Variants in DCDC1 observed in about 807,000 individuals in gnomAD.
DCDC1 encodes the protein doublecortin domain containing 1.
DCDC1 carries 200 observed loss-of-function variants against 178.3 expected under a neutral mutation model. The observed-to-expected ratio is 1.12, with a 90% confidence interval of 1.00 to 1.26. The LOEUF (loss-of-function observed/expected upper bound fraction) is 1.26, where lower values mean the gene tolerates loss of function less well. Ranked by LOEUF, DCDC1 falls within the 50% of genes most tolerant of loss-of-function variation. The probability of loss-of-function intolerance (pLI) is 0.00; values close to 1 mark genes in which losing one functional copy is unlikely to be tolerated. For missense variants in DCDC1, 1,983 were observed against 1,749.2 expected (o/e 1.13, Z -2.38); for synonymous variants, 690 against 604.8 (o/e 1.14, Z -2.07).
intron 26 of DCDC1, 104 bp downstream of exon 26, chr11:30,916,766 C>A: frequency 4.1e-6 from 5 of 1,215,520 alleles, no homozygotes; most frequent in East Asian, 5.4e-5. Flanking sequence ...TTGATAGAAA[C>A]AGCAGCTAAC....
At chr11:31,328,789 C>T (rs1293287636) in intron 2 of DCDC1, among the ~76,000 whole-genome samples, 7 of 129,928 alleles carry the variant, frequency 5.4e-5, no homozygotes, top group Non-Finnish European at 1.1e-4. Flanking sequence ...CCAGGCTGGG[C>T]GACAGAGTGA....
At chr11:31,047,148 A>G (rs1023854191) in intron 20 of DCDC1, among the ~76,000 whole-genome samples, 8 of 152,126 alleles carry the variant, frequency 5.3e-5, no homozygotes, top group African/African-American at 1.9e-4. Flanking sequence ...CCAAGTTTCT[A>G]TCTGTTGTTC....
In DCDC1 at chr11:31,358,120, G is replaced by A. The variant is rs542402015; in HGVS notation, c.-125+11577C>T. ...TTCATATGGAACCAAAAAAGAGCCC[G>A]CATCGCCAAGTCAATCCTAAGCCAA... On this transcript the variant is annotated intron_variant, in intron 1 of 38. Coordinates refer to ENST00000684477, the MANE Select transcript of DCDC1 (RefSeq NM_001387274.1). Among the ~76,000 whole-genome samples, 573 of 150,126 alleles carry A rather than the reference G, an allele frequency of 3.8e-3. 2 individuals are homozygous for A. The highest frequency in any genetic ancestry group is 0.013 in the African/African-American group (547 of 41,010).
intron 18 of DCDC1, among the ~76,000 whole-genome samples, chr11:31,070,713 C>A (rs1956506630): frequency 6.6e-6 from 1 of 152,184 alleles, no homozygotes; most frequent in Admixed American, 6.6e-5. Context: ...CTGTAACTCT[C>A]TGTTGCTAAA....
intron 9 of DCDC1, among the ~76,000 whole-genome samples, chr11:31,195,680 G>A (rs1970612343): frequency 6.6e-6 from 1 of 151,466 alleles, no homozygotes; most frequent in African/African-American, 2.4e-5. Flanking sequence ...ACTTACCAAC[G>A]TTTCTAATAT....
chr11:30,990,884 G>A (rs1399840546), intron 20 of DCDC1, among the ~76,000 whole-genome samples: 1 of 152,168 alleles, frequency 6.6e-6, no homozygotes, highest in African/African-American at 2.4e-5. Context: ...ACATGGGTGA[G>A]AACTTCCCAT....
intron 38 of DCDC1, among the ~76,000 whole-genome samples, chr11:30,867,838 A>G (rs928487103): frequency 6.6e-6 from 1 of 152,204 alleles, no homozygotes. Flanking sequence ...TCCTAATCAT[A>G]TCACTGAATT....
chr11:31,211,517 G>C (rs1457238502), intron 9 of DCDC1, among the ~76,000 whole-genome samples: 1 of 152,084 alleles, frequency 6.6e-6, no homozygotes, highest in Non-Finnish European at 1.5e-5. Context: ...AATATGAGAT[G>C]AATTAAACAT....
At chr11:31,168,090 C>T (rs1337449964) in intron 9 of DCDC1, among the ~76,000 whole-genome samples, 1 of 152,116 alleles carries the variant, frequency 6.6e-6, no homozygotes, top group East Asian at 1.9e-4. Flanking sequence ...AAGTCAAGTC[C>T]CACCTCCTTT....
chr11:31,064,644 G>A lies in DCDC1; in HGVS notation c.2434-18C>T, dbSNP rs1324212668. Reference sequence around the variant, plus strand: ...TGCAGAACCTAATAAATGAAATATAGGAATCATGTAGCTAATTTTCATTGA... The same window carrying A: ...TGCAGAACCTAATAAATGAAATATAAGAATCATGTAGCTAATTTTCATTGA... On this transcript the variant is annotated intron_variant, in intron 19 of 38. Coordinates refer to ENST00000684477, the MANE Select transcript of DCDC1 (RefSeq NM_001387274.1). 1.3e-6 allele frequency: 1 copy of A among 764,110 alleles called. No homozygotes were observed. Among genetic ancestry groups the A allele is most frequent in the Admixed American group, 1.7e-5 (1 of 58,688 alleles). The allele number at this position is 764,110 out of a possible 1,614,324, so 47.3% of individuals were successfully genotyped here. A position where few individuals can be genotyped will look rare whatever the true frequency, so the allele number is the denominator to read the frequency against.
chr11:31,086,633 C>T (rs1957493362), intron 17 of DCDC1, among the ~76,000 whole-genome samples: 1 of 152,084 alleles, frequency 6.6e-6, no homozygotes, highest in Admixed American at 6.5e-5. Flanking sequence ...AATGGAAGGT[C>T]ACAAATAGTT....
intron 9 of DCDC1, among the ~76,000 whole-genome samples, chr11:31,213,474 C>G (rs1973100352): frequency 6.6e-6 from 1 of 151,990 alleles, no homozygotes; most frequent in African/African-American, 2.4e-5. Flanking sequence ...GTAATCCCAG[C>G]ACTTTGGGAG....
chr11:31,290,925 CCTCT>C (rs1947184449), intron 6 of DCDC1, 73 bp from the exon 7 acceptor site: 3 of 1,318,802 alleles, frequency 2.3e-6, no homozygotes, highest in South Asian at 1.4e-5. Flanking sequence ...TACTTCCCTC[CCTCT>C]ATTACCTGTG....
chr11:30,904,659 A>C (rs1377085131), intron 31 of DCDC1: 1 of 350,616 alleles, frequency 2.9e-6, no homozygotes, highest in Non-Finnish European at 5.3e-6. Context: ...AGAAAAAGGC[A>C]TTCAGTCTAT....
chr11:30,946,674 T>C (rs1446533274), intron 21 of DCDC1, among the ~76,000 whole-genome samples: 1 of 152,178 alleles, frequency 6.6e-6, no homozygotes, highest in African/African-American at 2.4e-5. Context: ...AATAAAAACT[T>C]GGTTGAGACC....
intron 20 of DCDC1, among the ~76,000 whole-genome samples, chr11:30,995,021 TA>T (rs546983827): frequency 3.3e-5 from 5 of 151,240 alleles, no homozygotes; most frequent in South Asian, 2.1e-4. Flanking sequence ...TGATTATCTT[TA>T]AAAAAAAGTG....
At chr11:31,340,061 C>T (rs1950464956) in intron 1 of DCDC1, among the ~76,000 whole-genome samples, 1 of 152,046 alleles carries the variant, frequency 6.6e-6, no homozygotes, top group African/African-American at 2.4e-5. Context: ...CAAGGAAGAA[C>T]AAAAAGCATT....
intron 36 of DCDC1, among the ~76,000 whole-genome samples, chr11:30,884,621 A>G (rs1191613830): frequency 1.3e-5 from 2 of 152,124 alleles, no homozygotes; most frequent in African/African-American, 4.8e-5. Flanking sequence ...GCATTTTGAA[A>G]ATACAGTGGG....
intron 11 of DCDC1, among the ~76,000 whole-genome samples, chr11:31,116,003 C>T (rs1409463796): frequency 2.0e-5 from 2 of 100,178 alleles, no homozygotes; most frequent in Admixed American, 1.2e-4. Context: ...GGATGGGTAT[C>T]TCAGTCCTGA....
Sources: allele counts gnomAD v4.1 joint callset (sites outside exome capture counted in the v4.1 genomes callset), GRCh38; gene constraint gnomAD v4.1.1; transcripts MANE v1.5; gene names NCBI Gene and HGNC (gene_info 2026-07-23, HGNC 2026-07-21).